APEX1: variants seen among roughly 807,000 people sequenced by gnomAD.
APEX1 encodes the protein DNA repair nuclease/redox regulator APEX1.
APEX1 carries 32 observed loss-of-function variants against 33.2 expected under a neutral mutation model. That is an observed-to-expected ratio of 0.96 (90% CI 0.73 to 1.29). APEX1 has a LOEUF of 1.29. Ranked by LOEUF, APEX1 falls within the 50% of genes most tolerant of loss-of-function variation. The pLI is 0.00. For missense variants in APEX1, 442 were observed against 395.6 expected (o/e 1.12, Z -0.99); for synonymous variants, 175 against 156.6 (o/e 1.12, Z -0.88).
chr14:20,455,510 CG>C (rs1881276932), intron 1 of APEX1, 67 bp from the exon 2 acceptor site: 2 of 1,437,506 alleles, frequency 1.4e-6, no homozygotes, highest in Non-Finnish European at 1.9e-6. Flanking sequence ...GGACCTGGTG[CG>C]GGGACGCTCT....
At chr14:20,456,187 G>A (rs1594413502) in intron 3 of APEX1, 86 bp downstream of exon 3, 1 of 1,500,310 alleles carries the variant, frequency 6.7e-7, no homozygotes, top group Non-Finnish European at 9.2e-7. Context: ...TTAGCCTTCA[G>A]GCTGTTTTAT....
intron 3 of APEX1, among the ~76,000 whole-genome samples, 179 bp from the exon 4 acceptor site, chr14:20,456,489 C>G (rs1881363844): frequency 6.6e-6 from 1 of 152,180 alleles, no homozygotes; most frequent in South Asian, 2.1e-4. Context: ...TTTCTTACCT[C>G]TCTATATTTG....
intron 4 of APEX1, 57 bp from the exon 5 acceptor site, chr14:20,456,934 T>A (rs947764402): frequency 5.6e-6 from 9 of 1,603,388 alleles, no homozygotes; most frequent in Non-Finnish European, 7.7e-6. Context: ...GCCCCACCTC[T>A]TGATTGCTTT....
At chr14:20,456,949 T>G in intron 4 of APEX1, 42 bp from the exon 5 acceptor site, 6 of 1,606,622 alleles carry the variant, frequency 3.7e-6, no homozygotes. Context: ...TGCTTTCCCT[T>G]TTCTTATAGT....
At position 20,457,692 on chromosome 14, in the gene APEX1, T is replaced by G. The variant is rs955582331; in HGVS notation, c.*184T>G. 44 of 813,208 alleles carry G rather than the reference T, an allele frequency of 5.4e-5. No homozygotes were observed. The highest frequency in any genetic ancestry group is 7.8e-5 in the Non-Finnish European group (41 of 525,064). The allele number at this position is 813,208 out of a possible 1,614,324, so 50.4% of individuals were successfully genotyped here. On this transcript the variant is annotated 3_prime_UTR_variant, in exon 5 of 5. Transcript: ENST00000216714. ...TTTTTATTTGAGGGTTTTTTGTTTT[T>G]TAAAAAAAAATTGAACAAAGACTAC...
At chr14:20,455,741 C>A in intron 2 of APEX1, 38 bp downstream of exon 2, 3 of 1,614,102 alleles carry the variant, frequency 1.9e-6, no homozygotes, top group Non-Finnish European at 2.5e-6. Flanking sequence ...CTAGAAGCTG[C>A]GGCGGGGGTG....
intron 4 of APEX1, 33 bp downstream of exon 4, chr14:20,456,893 C>T (rs2139306868): frequency 6.2e-7 from 1 of 1,609,026 alleles, no homozygotes; most frequent in Non-Finnish European, 8.5e-7. Flanking sequence ...TGCCTGAACT[C>T]TTCAAAACCA....
chr14:20,455,453 G>GCAC, intron 1 of APEX1, 59 bp downstream of exon 1: 1 of 861,094 alleles, frequency 1.2e-6, no homozygotes, highest in Non-Finnish European at 1.8e-6. Context: ...GGCCTATGAT[G>GCAC]CACGGAGGCG....
chr14:20,457,443 A>C lies in APEX1; in HGVS notation c.892A>C (p.Ser298Arg). 6.2e-7 allele frequency: 1 copy of C among 1,614,242 alleles called. No homozygotes were observed. Among genetic ancestry groups the C allele is most frequent in the Non-Finnish European group, 8.5e-7 (1 of 1,180,050 alleles). The change falls in exon 5 of 5, where the codon AGC (serine) becomes CGC (arginine). Residue 298 changes from serine (S) to arginine (R), a missense_variant. By Grantham distance (110) the Ser-to-Arg change is moderately radical. Coordinates refer to ENST00000216714, the MANE Select transcript of APEX1 (RefSeq NM_001641.4). The part of the protein sequence containing the change: ...SHSLLPALCD[S>R]KIRSKALGSD... ...CTCTCTGTTACCTGCATTGTGTGAC[A>C]GCAAGATCCGTTCCAAGGCCCTCGG... is the stretch of plus-strand genomic sequence containing the variant.
At position 20,457,621 on chromosome 14, in the gene APEX1, A is replaced by G; in HGVS notation, c.*113A>G. On this transcript the variant is annotated 3_prime_UTR_variant, in exon 5 of 5. Coordinates refer to ENST00000216714, the MANE Select transcript of APEX1 (RefSeq NM_001641.4). ...CTATTTCTCATGTATAAAACTAGGAATCCTCCAACCAGGCTCCTGTGATAG... is the reference window on the plus strand; with the variant it reads ...CTATTTCTCATGTATAAAACTAGGAGTCCTCCAACCAGGCTCCTGTGATAG... The G allele has an allele frequency of 1.4e-6, 2 of 1,434,364 alleles. No individual in the cohort carries two copies. Among genetic ancestry groups the G allele is most frequent in the Middle Eastern group, 1.7e-4 (1 of 5,770 alleles). The allele number at this position is 1,434,364 out of a possible 1,614,324, so 88.9% of individuals were successfully genotyped here. A position where few individuals can be genotyped will look rare whatever the true frequency, so the allele number is the denominator to read the frequency against.
chr14:20,455,265 G>T lies in APEX1; in HGVS notation c.-198G>T, dbSNP rs535917271. On this transcript the variant is annotated 5_prime_UTR_variant, in exon 1 of 5. Transcript: ENST00000216714. Reference sequence around the variant, plus strand: ...GGTTAGGAGGAGCTAGGCTGCCATCGGGCCGGTGCAGATACGGGGTTGCTC... The same window carrying T: ...GGTTAGGAGGAGCTAGGCTGCCATCTGGCCGGTGCAGATACGGGGTTGCTC... The T allele has an allele frequency of 1.5e-3, 587 of 387,900 alleles. 9 individuals are homozygous for T. Among genetic ancestry groups the T allele is most frequent in the South Asian group, 0.014 (573 of 40,736 alleles). 24.0% of individuals were successfully genotyped at this position (387,900 alleles called of 1,614,324 possible).
rs1273094528 is a variant in APEX1 at position 20,455,615 on chromosome 14, G to C, written c.-31G>C. 6.2e-7 allele frequency: 1 copy of C among 1,612,646 alleles called. No individual in the cohort carries two copies. Among genetic ancestry groups the C allele is most frequent in the African/African-American group, 1.3e-5 (1 of 74,984 alleles). ...AAATATTGCTTCGGTGGGTGACGCG[G>C]TACAGCTGCCCAAGGGCGTTCGTAA... On this transcript the variant is annotated 5_prime_UTR_variant, in exon 2 of 5. Transcript: ENST00000216714.
In APEX1 at chr14:20,457,651, C is replaced by T; in HGVS notation, c.*143C>T. ...CCAACCAGGCTCCTGTGATAGAGTTCTTTTAAGCCCAAGATTTTTTATTTG... is the reference window on the plus strand; with the variant it reads ...CCAACCAGGCTCCTGTGATAGAGTTTTTTTAAGCCCAAGATTTTTTATTTG... On this transcript the variant is annotated 3_prime_UTR_variant, in exon 5 of 5. Transcript: ENST00000216714. 1 of 1,184,600 alleles carries T rather than the reference C, an allele frequency of 8.4e-7. No homozygotes were observed. Among genetic ancestry groups the T allele is most frequent in the Non-Finnish European group, 1.2e-6 (1 of 826,520 alleles). The allele number at this position is 1,184,600 out of a possible 1,614,324, so 73.4% of individuals were successfully genotyped here. A position where few individuals can be genotyped will look rare whatever the true frequency, so the allele number is the denominator to read the frequency against.
chr14:20,455,879 C>T (rs1406646063), intron 2 of APEX1, 35 bp from the exon 3 acceptor site: 1 of 1,613,614 alleles, frequency 6.2e-7, no homozygotes, highest in African/African-American at 1.3e-5. Flanking sequence ...TGGAAACCAC[C>T]AGCTTTTTGT....
At position 20,457,749 on chromosome 14, in the gene APEX1, A is replaced by G; in HGVS notation, c.*241A>G. 1.8e-6 allele frequency: 1 copy of G among 569,668 alleles called. No individual in the cohort carries two copies. Among genetic ancestry groups the G allele is most frequent in the Admixed American group, 3.1e-5 (1 of 32,482 alleles). The allele number at this position is 569,668 out of a possible 1,614,324, so 35.3% of individuals were successfully genotyped here. ...CTTTGTTTGAATTATCCACATGAAAATAAAGAGCCATAGTTTCAGCCTTGC... is the reference window on the plus strand; with the variant it reads ...CTTTGTTTGAATTATCCACATGAAAGTAAAGAGCCATAGTTTCAGCCTTGC... On this transcript the variant is annotated 3_prime_UTR_variant, in exon 5 of 5. Transcript: ENST00000216714.
intron 1 of APEX1, 62 bp downstream of exon 1, chr14:20,455,456 C>T: frequency 1.1e-6 from 1 of 894,958 alleles, no homozygotes; most frequent in Non-Finnish European, 1.7e-6. Flanking sequence ...CTATGATGCA[C>T]GGAGGCGGGG....
At position 20,457,746 on chromosome 14, in the gene APEX1, A is replaced by G. The variant is rs780926903; in HGVS notation, c.*238A>G. The G allele has an allele frequency of 3.4e-6, 2 of 582,646 alleles. No homozygotes were observed. Among genetic ancestry groups the G allele is most frequent in the Non-Finnish European group, 6.0e-6 (2 of 334,378 alleles). The allele number at this position is 582,646 out of a possible 1,614,324, so 36.1% of individuals were successfully genotyped here. ...TGACTTTGTTTGAATTATCCACATG[A>G]AAATAAAGAGCCATAGTTTCAGCCT... On this transcript the variant is annotated 3_prime_UTR_variant, in exon 5 of 5. Coordinates refer to ENST00000216714, the MANE Select transcript of APEX1 (RefSeq NM_001641.4).
chr14:20,456,530 A>C (rs1172222511), intron 3 of APEX1, 138 bp from the exon 4 acceptor site: 2 of 811,784 alleles, frequency 2.5e-6, no homozygotes, highest in African/African-American at 3.4e-5. Flanking sequence ...AATTGTTTGA[A>C]TATTGTGCTG....
intron 2 of APEX1, 59 bp downstream of exon 2, chr14:20,455,762 C>T (rs1881296110): frequency 1.9e-6 from 3 of 1,613,868 alleles, no homozygotes; most frequent in African/African-American, 2.7e-5. Flanking sequence ...TTTGTCATTC[C>T]CTTGATGTAC....
Sources: gnomAD v4.1 joint callset for allele counts (sites outside exome capture counted in the v4.1 genomes callset) on GRCh38, gnomAD v4.1.1 for gene constraint, MANE v1.5 for transcripts, NCBI Gene and HGNC (gene_info 2026-07-23, HGNC 2026-07-21) for gene names.